The following PROM2 variants were observed in gnomAD, a reference collection of about 807,000 sequenced individuals.
The protein encoded by PROM2 is prominin-2.
In PROM2, 90 loss-of-function variants were observed where a neutral mutation model predicts 110.2. That is an observed-to-expected ratio of 0.82 (90% confidence interval 0.69 to 0.97). PROM2 has a LOEUF of 0.97. PROM2 is among the 50% of genes least tolerant of loss of function. The pLI is 0.00. For synonymous variants in PROM2, 470 were observed against 467.8 expected, an observed-to-expected ratio of 1.00 and a Z score of -0.06; for missense variants, 1,009 against 1,074.8, an observed-to-expected ratio of 0.94 and a Z score of 0.86.
chr2:95,287,440 G>A lies in PROM2; in HGVS notation c.2220G>A (p.Gln740=). Residue 740 remains glutamine (Q), a synonymous_variant, in exon 20 of 24, where the codon CAG becomes CAA. Coordinates refer to ENST00000317620, the MANE Select transcript of PROM2 (RefSeq NM_001165978.3). ...CCCGGGAGATGGGCTACTTCTCCCA[G>A]TACGTGGCCTGGGTGAGAGAGGAGG... ...FLAREMGYFS[Q]YVAWVREEVT... 6.2e-7 allele frequency: 1 copy of A among 1,614,106 alleles called. No homozygotes were observed. Among genetic ancestry groups the A allele is most frequent in the Non-Finnish European group, 8.5e-7 (1 of 1,180,012 alleles).
chr2:95,287,822 G>A (rs574946942), intron 20 of PROM2, among the ~76,000 whole-genome samples: 28 of 152,246 alleles, frequency 1.8e-4, no homozygotes, highest in Non-Finnish European at 3.1e-4. Context: ...GCCTCTGCAA[G>A]CTGTCTGGAT....
At chr2:95,278,567 C>T in intron 8 of PROM2, 154 bp from the exon 9 acceptor site, 2 of 821,296 alleles carry the variant, frequency 2.4e-6, no homozygotes, top group South Asian at 1.5e-5. Flanking sequence ...TCAGACTGGG[C>T]CAGGGGATGG....
At chr2:95,288,684 C>A in intron 22 of PROM2, 95 bp downstream of exon 22, 1 of 1,102,874 alleles carries the variant, frequency 9.1e-7, no homozygotes, top group African/African-American at 1.6e-5. Flanking sequence ...CTGAGACCTC[C>A]CAGGCAGAGG....
chr2:95,277,292 A>C, intron 6 of PROM2, 72 bp from the exon 7 acceptor site: 5 of 1,464,864 alleles, frequency 3.4e-6, no homozygotes, highest in Non-Finnish European at 4.6e-6. Context: ...GGGGGAGGGG[A>C]GTTCTGCCTC....
At chr2:95,284,766 C>T (rs565717018) in intron 14 of PROM2, among the ~76,000 whole-genome samples, 9 of 152,316 alleles carry the variant, frequency 5.9e-5, no homozygotes, top group South Asian at 2.1e-4. Context: ...CTAAGCCATA[C>T]GTGAGGGATC....
chr2:95,276,343 C>A lies in PROM2; in HGVS notation c.614C>A (p.Pro205His), dbSNP rs1676659102. 1 of 1,613,360 alleles carries A rather than the reference C, an allele frequency of 6.2e-7. No homozygotes were observed. Among genetic ancestry groups the A allele is most frequent in the East Asian group, 2.2e-5 (1 of 44,876 alleles). ...LSLWGLVSDVPQELQAVAQQF... is the reference protein window; with the variant it reads ...LSLWGLVSDVHQELQAVAQQF... ...CTCTGGGGCCTGGTCTCTGATGTCCCCCAAGTGAGCACTGTTACCCCTCAC... is the reference window on the plus strand; with the variant it reads ...CTCTGGGGCCTGGTCTCTGATGTCCACCAAGTGAGCACTGTTACCCCTCAC... Residue 205 changes from proline (P) to histidine (H), a missense_variant, in exon 4 of 24, where the codon CCC (proline) becomes CAC (histidine). By Grantham distance (77) the Pro-to-His change is moderately conservative. Coordinates refer to ENST00000317620, the MANE Select transcript of PROM2 (RefSeq NM_001165978.3). This position sits in a 1 kb window ranked among gnomAD's most constrained non-coding sequence, Gnocchi z 4.6.
chr2:95,286,879 GT>G, intron 18 of PROM2, 22 bp downstream of exon 18: 1 of 1,612,164 alleles, frequency 6.2e-7, no homozygotes, highest in Non-Finnish European at 8.5e-7. Context: ...TGGTGGGGAC[GT>G]ATGGTGGAGC....
At position 95,276,170 on chromosome 2, in the gene PROM2, G is replaced by T; in HGVS notation, c.497+38G>T. 5 of 1,612,228 alleles carry T rather than the reference G, an allele frequency of 3.1e-6. No homozygotes were observed. The highest frequency in any genetic ancestry group is 4.2e-6 in the Non-Finnish European group (5 of 1,178,908). ...CCAGGGCCCGGGTAGGGCGGGCTGTGGCCCCCAGGCTCCCTCTTACCCAGC... is the reference window on the plus strand; with the variant it reads ...CCAGGGCCCGGGTAGGGCGGGCTGTTGCCCCCAGGCTCCCTCTTACCCAGC... On this transcript the variant is annotated intron_variant, in intron 3 of 23. Transcript: ENST00000317620. This position sits in a 1 kb window ranked among gnomAD's most constrained non-coding sequence, Gnocchi z 4.6.
rs1209925405 is a variant in PROM2, at chr2:95,285,730, C to T, written c.1947+20C>T. On this transcript the variant is annotated intron_variant, in intron 16 of 23. Transcript: ENST00000317620. ...GCCCAAGTGAGTGGGAAACAGGGCCCCGACTGGGCAGCAGGAGCCACAGGG... is the reference window on the plus strand; with the variant it reads ...GCCCAAGTGAGTGGGAAACAGGGCCTCGACTGGGCAGCAGGAGCCACAGGG... 1.3e-6 allele frequency: 2 copies of T among 1,580,516 alleles called. No individual in the cohort carries two copies. The highest frequency in any genetic ancestry group is 2.3e-5 in the East Asian group (1 of 43,118).
chr2:95,274,844 C>A lies in PROM2; in HGVS notation c.244+15C>A, dbSNP rs1365621020. 2.0e-6 allele frequency: 3 copies of A among 1,531,840 alleles called. No individual in the cohort carries two copies. The highest frequency in any genetic ancestry group is 2.8e-5 in the African/African-American group (2 of 72,386). 94.9% of individuals were successfully genotyped at this position (1,531,840 alleles called of 1,614,324 possible). A position where few individuals can be genotyped will look rare whatever the true frequency, so the allele number is the denominator to read the frequency against. ...TTTCCCTTCAGGTGAGTGTGCCCCT[C>A]CCCCATGAGGGCCTCAGCATTTGGG... is the stretch of plus-strand genomic sequence containing the variant. On this transcript the variant is annotated intron_variant, in intron 1 of 23. Coordinates refer to ENST00000317620, the MANE Select transcript of PROM2 (RefSeq NM_001165978.3).
In PROM2 at chr2:95,279,899, C is replaced by A; in HGVS notation, c.1329C>A (p.Asn443Lys). 1 of 1,559,114 alleles carries A rather than the reference C, an allele frequency of 6.4e-7. No homozygotes were observed. The highest frequency in any genetic ancestry group is 8.7e-7 in the Non-Finnish European group (1 of 1,150,540). The part of the protein sequence containing the change: ...CSVVLFVVLC[N>K]LLGLNLGIWG... ...TGGTCCTATTCGTGGTGCTCTGCAA[C>A]CTGCTGGGCCTCAATCTGGGCATCT... The change falls in exon 11 of 24, where the codon AAC (asparagine) becomes AAA (lysine). Residue 443 changes from asparagine (N) to lysine (K), a missense_variant. By Grantham distance (94) the Asn-to-Lys change is moderately conservative (BLOSUM62 0). Transcript: ENST00000317620.
Position 95,279,019 on chromosome 2 carries a change from G to A in PROM2, c.1149G>A (p.Gly383=), listed in dbSNP as rs1379362414. The A allele has an allele frequency of 6.2e-6, 10 of 1,611,678 alleles. No individual in the cohort carries two copies. The highest frequency in any genetic ancestry group is 8.5e-6 in the Non-Finnish European group (10 of 1,179,008). Residue 383 remains glycine, a synonymous_variant, in exon 10 of 24, where the codon GGG becomes GGA. Transcript: ENST00000317620. ...AGGCAGTGGCCCAGCAGCCGGAAGG[G>A]GTGAGGACACTGGCTGAAGGGTTCC... ...LKKAVAQQPE[G]VRTLAEGFPG...
In PROM2 at chr2:95,288,221, G is replaced by A. The variant is rs377469911; in HGVS notation, c.2255G>A (p.Arg752His). Reference sequence around the variant, plus strand: ...ATGTTGGCGCCACAGGTGACTCAGCGCATTGCCACCTGCCAGCCCCTCTCC... The same window carrying A: ...ATGTTGGCGCCACAGGTGACTCAGCACATTGCCACCTGCCAGCCCCTCTCC... ...VAWVREEVTQ[R>H]IATCQPLSGA... is the part of the protein sequence containing the mutation. Residue 752 changes from arginine (R) to histidine (H), a missense_variant, in exon 21 of 24, where the codon CGC becomes CAC. Arg to His is a conservative substitution (Grantham distance 29, BLOSUM62 0). Coordinates refer to ENST00000317620, the MANE Select transcript of PROM2 (RefSeq NM_001165978.3). The A allele has an allele frequency of 1.1e-5, 18 of 1,613,590 alleles. No individual in the cohort carries two copies. Among genetic ancestry groups the A allele is most frequent in the East Asian group, 2.2e-5 (1 of 44,894 alleles).
rs1188863343 is a variant in PROM2, at chr2:95,279,952, GC to G, written c.1384del (p.His462ThrfsTer68). The G allele has an allele frequency of 1.3e-6, 2 of 1,519,796 alleles. No individual in the cohort carries two copies. The highest frequency in any genetic ancestry group is 2.8e-5 in the African/African-American group (2 of 71,068). 94.1% of individuals were successfully genotyped at this position (1,519,796 alleles called of 1,614,324 possible). On this transcript the variant is annotated frameshift_variant, in exon 11 of 24. Transcript: ENST00000317620. LOFTEE classifies it high-confidence loss of function. ...IWGLSARDDP[S>X]HPEAKGEAGA... ...GGCCTGTCTGCCAGGGACGACCCCA[GC>G]CACCCAGAAGCCAAGGGCGAGGCTG...
At chr2:95,281,451 G>A in intron 12 of PROM2, 86 bp downstream of exon 12, 1 of 1,387,472 alleles carries the variant, frequency 7.2e-7, no homozygotes, top group Non-Finnish European at 9.6e-7. Context: ...GGAAAGTGGG[G>A]GTCGGGGGGT....
chr2:95,286,349 C>T (rs1644236095), intron 16 of PROM2, 130 bp from the exon 17 acceptor site: 2 of 706,502 alleles, frequency 2.8e-6, no homozygotes, highest in African/African-American at 1.8e-5. Context: ...GGCCCTGGAG[C>T]TTAAGGAGGC....
intron 11 of PROM2, 27 bp from the exon 12 acceptor site, chr2:95,281,215 C>T: frequency 6.2e-7 from 1 of 1,608,696 alleles, no homozygotes; most frequent in Non-Finnish European, 8.5e-7. Context: ...CCTGCTGTCC[C>T]TCAGTCCTGC....
At position 95,275,402 on chromosome 2, in the gene PROM2, G is replaced by C; in HGVS notation, c.245-59G>C. 6.6e-7 allele frequency: 1 copy of C among 1,523,068 alleles called. No homozygotes were observed. The highest frequency in any genetic ancestry group is 8.9e-7 in the Non-Finnish European group (1 of 1,117,650). 94.3% of individuals were successfully genotyped at this position (1,523,068 alleles called of 1,614,324 possible). A position where few individuals can be genotyped will look rare whatever the true frequency, so the allele number is the denominator to read the frequency against. On this transcript the variant is annotated intron_variant, in intron 1 of 23. Transcript: ENST00000317620. The surrounding 1 kb of genome is among the most constrained non-coding windows in gnomAD (Gnocchi z 4.4). ...CTTTGCCCTGGCAGTGGGGAGAGGA[G>C]GGACACAGGGGCAGGGCAGTGGCTG...
chr2:95,281,054 G>A (rs1677012414), intron 11 of PROM2, among the ~76,000 whole-genome samples, 188 bp from the exon 12 acceptor site: 1 of 152,210 alleles, frequency 6.6e-6, no homozygotes, highest in Admixed American at 6.5e-5. Context: ...GTGAGGCCGG[G>A]ACAGTCAGGA....
Sources: gnomAD v4.1 joint callset for allele counts (sites outside exome capture counted in the v4.1 genomes callset) on GRCh38, gnomAD v4.1.1 for gene constraint, Gnocchi (gnomAD v3.1) non-coding constraint, MANE v1.5 for transcripts, NCBI Gene and HGNC (gene_info 2026-07-23, HGNC 2026-07-21) for gene names.